MAP1A: variants seen among roughly 807,000 people sequenced by gnomAD.
The protein encoded by MAP1A is microtubule-associated protein 1A.
Under a neutral mutation model 185.9 loss-of-function variants are expected in MAP1A, and 42 were observed. That is an observed-to-expected ratio of 0.23 (90% CI 0.18 to 0.29). MAP1A has a LOEUF of 0.29. MAP1A is among the 10% of genes least tolerant of loss of function. The pLI is 1.00. For synonymous variants in MAP1A, 1,229 were observed against 1,335.9 expected, an observed-to-expected ratio of 0.92 and a Z score of 1.74; for missense variants, 2,995 against 3,450.4, an observed-to-expected ratio of 0.87 and a Z score of 3.31.
chr15:43,512,410 G>C, intron 2 of MAP1A: 1 of 685,580 alleles, frequency 1.5e-6, no homozygotes, highest in Non-Finnish European at 2.6e-6. Context: ...GAACTTTATA[G>C]AGGAGGAAAA....
In MAP1A at chr15:43,521,220, G is replaced by A; in HGVS notation, c.-150-104G>A. 6.8e-7 allele frequency: 1 copy of A among 1,475,816 alleles called. No individual in the cohort carries two copies. The highest frequency in any genetic ancestry group is 1.4e-5 in the African/African-American group (1 of 70,902). 91.4% of individuals were successfully genotyped at this position (1,475,816 alleles called of 1,614,324 possible). ...GACCATGGGGGGCCCTGGCAGAAAG[G>A]TAAGAGTCCACCTTGGAAAGAGGTG... On this transcript the variant is annotated intron_variant, in intron 3 of 5. Transcript: ENST00000300231. The surrounding 1 kb of genome is among the most constrained non-coding windows in gnomAD (Gnocchi z 4.6).
chr15:43,517,126 C>G (rs150149143), upstream of MAP1A, among the ~76,000 whole-genome samples: 1,584 of 152,296 alleles, frequency 0.01, 13 homozygotes, highest in Non-Finnish European at 0.018. Flanking sequence ...GGCAGCACAT[C>G]TCTGCATCCC....
At position 43,528,028 on chromosome 15, in the gene MAP1A, A is replaced by G. The variant is rs762218281; in HGVS notation, c.6555A>G (p.Glu2185=). Residue 2185 remains glutamate, a synonymous_variant, in exon 4 of 6, where the codon GAA becomes GAG. Transcript: ENST00000300231. ...PAPPQLPSPA[E]PRSAPCGSLA... is the part of the protein sequence containing the mutation. ...CCCCACAGCTGCCCTCTCCAGCTGAACCCCGCTCGGCACCCTGTGGCTCCC... is the reference window on the plus strand; with the variant it reads ...CCCCACAGCTGCCCTCTCCAGCTGAGCCCCGCTCGGCACCCTGTGGCTCCC... 3.1e-6 allele frequency: 5 copies of G among 1,613,828 alleles called. No individual in the cohort carries two copies. The South Asian group carries it at 4.4e-5, about 14-fold the overall frequency.
At position 43,517,635 on chromosome 15, in the gene MAP1A, TC is replaced by T. The variant is rs959755727; in HGVS notation, c.-437del. 57 of 946,018 alleles carry T rather than the reference TC, an allele frequency of 6.0e-5. No homozygotes were observed. Among genetic ancestry groups the T allele is most frequent in the Non-Finnish European group, 6.8e-5 (55 of 804,730 alleles). 58.6% of individuals were successfully genotyped at this position (946,018 alleles called of 1,614,324 possible). A position where few individuals can be genotyped will look rare whatever the true frequency, so the allele number is the denominator to read the frequency against. ...TCCCACCCTAAGTGCTGCAGACTCT[TC>T]CCTGAAGCTGCCGGCTGAGGCCGGA... On this transcript the variant is annotated 5_prime_UTR_variant, in exon 1 of 6. Coordinates refer to ENST00000300231, the MANE Select transcript of MAP1A (RefSeq NM_002373.6).
Position 43,525,355 on chromosome 15 carries a change from T to C in MAP1A, c.3882T>C (p.Ser1294=). 5.0e-6 allele frequency: 8 copies of C among 1,613,980 alleles called. No homozygotes were observed. Among genetic ancestry groups the C allele is most frequent in the African/African-American group, 1.3e-5 (1 of 74,980 alleles). ...GGAAGTCACCTGCCAGCTCATTCTCTCACTCTACACCTTCAGGAAATGGGA... is the reference window on the plus strand; with the variant it reads ...GGAAGTCACCTGCCAGCTCATTCTCCCACTCTACACCTTCAGGAAATGGGA... ...LDRKSPASSF[S]HSTPSGNGKY... Residue 1294 remains serine (S), a synonymous_variant, in exon 4 of 6, where the codon TCT becomes TCC. Transcript: ENST00000300231.
Position 43,526,417 on chromosome 15 carries a change from G to C in MAP1A, c.4944G>C (p.Gln1648His). The C allele has an allele frequency of 6.2e-7, 1 of 1,614,202 alleles. No homozygotes were observed. The highest frequency in any genetic ancestry group is 1.1e-5 in the South Asian group (1 of 91,078). ...ACTGGAGGGGGCAGGATGTGGTCCAGGAGTGGCAAGAAACATCTCCTACCA... is the reference window on the plus strand; with the variant it reads ...ACTGGAGGGGGCAGGATGTGGTCCACGAGTGGCAAGAAACATCTCCTACCA... The part of the protein sequence containing the change: ...EKYWRGQDVV[Q>H]EWQETSPTRE... The change falls in exon 4 of 6, where the codon CAG becomes CAC. Residue 1648 changes from glutamine to histidine, a missense_variant. Physicochemically the swap from Gln to His is conservative, Grantham distance 24 (BLOSUM62 0). Coordinates refer to ENST00000300231, the MANE Select transcript of MAP1A (RefSeq NM_002373.6). This position sits in a 1 kb window ranked among gnomAD's most constrained non-coding sequence, Gnocchi z 4.7.
Position 43,527,076 on chromosome 15 carries a change from C to T in MAP1A, c.5603C>T (p.Pro1868Leu), listed in dbSNP as rs372371137. Residue 1868 changes from proline (P) to leucine (L), a missense_variant, in exon 4 of 6, where the codon CCG becomes CTG. Pro to Leu is a moderately conservative substitution (Grantham distance 98). Around this residue, in one of 3 missense-constraint regions of MAP1A, gnomAD observed 2,728 missense variants for 2,986.0 expected, o/e 0.91. Transcript: ENST00000300231. ...SPAPGPPTPA[P>L]ESHTPAPFSW... ...GCTCCTGGTCCCCCCACACCTGCCC[C>T]GGAATCCCATACTCCTGCACCCTTC... is the stretch of plus-strand genomic sequence containing the variant. 46 of 1,582,944 alleles carry T rather than the reference C, an allele frequency of 2.9e-5. 1 individual carries two copies. The highest frequency in any genetic ancestry group is 1.6e-4 in the South Asian group (14 of 85,442).
In MAP1A at chr15:43,527,174, C is replaced by G; in HGVS notation, c.5701C>G (p.Pro1901Ala). 1 of 1,613,748 alleles carries G rather than the reference C, an allele frequency of 6.2e-7. No individual in the cohort carries two copies. Among genetic ancestry groups the G allele is most frequent in the Non-Finnish European group, 8.5e-7 (1 of 1,179,872 alleles). Residue 1901 changes from proline (P) to alanine (A), a missense_variant, in exon 4 of 6, where the codon CCA (proline) becomes GCA (alanine). By Grantham distance (27) the Pro-to-Ala change is conservative. Transcript: ENST00000300231. The stretch of plus-strand genomic sequence containing the variant: ...GGGGGCAGCTGAGTTGGAAGGTGGG[C>G]CATACTCCCCCCTGGGGAAGGACTA... ...QEGAAELEGG[P>A]YSPLGKDYRK...
In MAP1A at chr15:43,522,324, G is replaced by C; in HGVS notation, c.851G>C (p.Arg284Pro). The change falls in exon 4 of 6, where the codon CGG becomes CCG. Residue 284 changes from arginine to proline, a missense_variant. Transcript: ENST00000300231. The surrounding 1 kb of genome is among the most constrained non-coding windows in gnomAD (Gnocchi z 5.9). Reference sequence around the variant, plus strand: ...ATCTTGGAGGGCCTAGAAAAGCTTCGGCATCTGGACTTCCTGCGTTACCCT... The same window carrying C: ...ATCTTGGAGGGCCTAGAAAAGCTTCCGCATCTGGACTTCCTGCGTTACCCT... Reference protein sequence around the residue: ...NKILEGLEKLRHLDFLRYPVA... With the variant: ...NKILEGLEKLPHLDFLRYPVA... The C allele has an allele frequency of 6.2e-7, 1 of 1,614,116 alleles. No individual in the cohort carries two copies. Among genetic ancestry groups the C allele is most frequent in the Non-Finnish European group, 8.5e-7 (1 of 1,180,024 alleles).
chr15:43,526,121 G>A lies in MAP1A; in HGVS notation c.4648G>A (p.Ala1550Thr), dbSNP rs190602542. ...TAAAGTCTCAGAAAAGAAGGATCAGGCCTTAGAACAAAAATACTGGGCTTT... is the reference window on the plus strand; with the variant it reads ...TAAAGTCTCAGAAAAGAAGGATCAGACCTTAGAACAAAAATACTGGGCTTT... The part of the protein sequence containing the change: ...KDKVSEKKDQ[A>T]LEQKYWALGQ... The change falls in exon 4 of 6, where the codon GCC becomes ACC. Residue 1550 changes from alanine (A) to threonine (T), a missense_variant. Ala to Thr is a moderately conservative substitution (Grantham distance 58). This residue lies in a region of MAP1A where 2,728 missense variants were observed against 2,986.0 expected (regional missense o/e 0.91). Coordinates refer to ENST00000300231, the MANE Select transcript of MAP1A (RefSeq NM_002373.6). This position sits in a 1 kb window ranked among gnomAD's most constrained non-coding sequence, Gnocchi z 4.7. 5.3e-4 allele frequency: 854 copies of A among 1,614,016 alleles called. 6 individuals are homozygous for A. In the African/African-American group the frequency reaches 0.011, roughly 20 times the overall value.
Position 43,528,217 on chromosome 15 carries a change from A to G in MAP1A, c.6744A>G (p.Pro2248=). Residue 2248 remains proline (P), a synonymous_variant, in exon 4 of 6, where the codon CCA becomes CCG. Transcript: ENST00000300231. The part of the protein sequence containing the change: ...SPGAPLLSNL[P]RPASPALSEG... ...GGGCCCCTCTCCTCTCCAATCTGCC[A>G]CGACCTGCCTCACCAGCCCTGTCTG... 1 of 1,613,998 alleles carries G rather than the reference A, an allele frequency of 6.2e-7. No individual in the cohort carries two copies. The highest frequency in any genetic ancestry group is 8.5e-7 in the Non-Finnish European group (1 of 1,180,014).
Position 43,521,545 on chromosome 15 carries a change from A to G in MAP1A, c.72A>G (p.Leu24=). 1 of 1,614,084 alleles carries G rather than the reference A, an allele frequency of 6.2e-7. No individual in the cohort carries two copies. The highest frequency in any genetic ancestry group is 8.5e-7 in the Non-Finnish European group (1 of 1,180,000). The change falls in exon 4 of 6, where the codon CTA becomes CTG. Residue 24 remains leucine (L), a synonymous_variant. Coordinates refer to ENST00000300231, the MANE Select transcript of MAP1A (RefSeq NM_002373.6). This position sits in a 1 kb window ranked among gnomAD's most constrained non-coding sequence, Gnocchi z 4.6. ...ACGTGCCATCCCCATTTGACCTACTAGAGCCCCCCACCTCAGGGGGCTTCC... is the reference window on the plus strand; with the variant it reads ...ACGTGCCATCCCCATTTGACCTACTGGAGCCCCCCACCTCAGGGGGCTTCC... ...TVDVPSPFDL[L]EPPTSGGFLK...
Position 43,523,256 on chromosome 15 carries a change from C to T in MAP1A, c.1783C>T (p.Leu595Phe). Reference protein sequence around the residue: ...QEEHVMKEKELVPEVPEEQGS... With the variant: ...QEEHVMKEKEFVPEVPEEQGS... The stretch of plus-strand genomic sequence containing the variant: ...AGAACATGTGATGAAGGAGAAAGAG[C>T]TTGTCCCAGAGGTCCCTGAGGAACA... The change falls in exon 4 of 6, where the codon CTT becomes TTT. Residue 595 changes from leucine (L) to phenylalanine (F), a missense_variant. Physicochemically the swap from Leu to Phe is conservative, Grantham distance 22. Around this residue, in one of 3 missense-constraint regions of MAP1A, gnomAD observed 2,728 missense variants for 2,986.0 expected, o/e 0.91. Transcript: ENST00000300231. 6.2e-7 allele frequency: 1 copy of T among 1,613,938 alleles called. No homozygotes were observed. The highest frequency in any genetic ancestry group is 8.5e-7 in the Non-Finnish European group (1 of 1,179,910).
Position 43,530,400 on chromosome 15 carries a change from C to T in MAP1A, c.*176C>T. On this transcript the variant is annotated 3_prime_UTR_variant, in exon 6 of 6. Coordinates refer to ENST00000300231, the MANE Select transcript of MAP1A (RefSeq NM_002373.6). The stretch of plus-strand genomic sequence containing the variant: ...GGGTTGTCCCTCCCCATCATCCATT[C>T]CTGTGAGGTGTCTCAAACCAAAGTT... 1.4e-6 allele frequency: 1 copy of T among 736,034 alleles called. No homozygotes were observed. Among genetic ancestry groups the T allele is most frequent in the South Asian group, 1.9e-5 (1 of 53,244 alleles). 45.6% of individuals were successfully genotyped at this position (736,034 alleles called of 1,614,324 possible).
upstream of MAP1A, among the ~76,000 whole-genome samples, chr15:43,515,725 G>A (rs1349624635): frequency 6.6e-6 from 1 of 152,222 alleles, no homozygotes; most frequent in East Asian, 1.9e-4. Context: ...GAGAGGTTAA[G>A]TCTCTTGTTT....
In MAP1A at chr15:43,525,737, C is replaced by A. The variant is rs1016497174; in HGVS notation, c.4264C>A (p.Leu1422Ile). 25 of 1,614,116 alleles carry A rather than the reference C, an allele frequency of 1.5e-5. No individual in the cohort carries two copies. The highest frequency in any genetic ancestry group is 2.0e-5 in the Non-Finnish European group (24 of 1,180,032). ...AGACTTAGAGCAAAAAGACACAGCC[C>A]TAGAACAGAAGGACAAGGCCCTGGA... Reference protein sequence around the residue: ...GRDLEQKDTALEQKDKALEPK... With the variant: ...GRDLEQKDTAIEQKDKALEPK... Residue 1422 changes from leucine (L) to isoleucine (I), a missense_variant, in exon 4 of 6, where the codon CTA becomes ATA. Physicochemically the swap from Leu to Ile is conservative, Grantham distance 5 (BLOSUM62 2). Around this residue, in one of 3 missense-constraint regions of MAP1A, gnomAD observed 2,728 missense variants for 2,986.0 expected, o/e 0.91. Coordinates refer to ENST00000300231, the MANE Select transcript of MAP1A (RefSeq NM_002373.6).
intron 1 of MAP1A, chr15:43,511,293 C>A: frequency 8.1e-7 from 1 of 1,241,520 alleles, no homozygotes; most frequent in Non-Finnish European, 1.1e-6. Context: ...CTGCATTCAA[C>A]TACCAATGCA....
chr15:43,526,747 C>G lies in MAP1A; in HGVS notation c.5274C>G (p.Phe1758Leu). ...RSPWASDFKD[F>L]QESSPQKGLE... is the part of the protein sequence containing the mutation. ...CCTGGGCCTCAGACTTCAAGGATTT[C>G]CAGGAATCCTCACCACAGAAGGGGC... Residue 1758 changes from phenylalanine to leucine, a missense_variant, in exon 4 of 6, where the codon TTC (phenylalanine) becomes TTG (leucine). Coordinates refer to ENST00000300231, the MANE Select transcript of MAP1A (RefSeq NM_002373.6). The surrounding 1 kb of genome is among the most constrained non-coding windows in gnomAD (Gnocchi z 4.7). The G allele has an allele frequency of 1.9e-6, 3 of 1,614,126 alleles. No individual in the cohort carries two copies. Among genetic ancestry groups the G allele is most frequent in the Non-Finnish European group, 2.5e-6 (3 of 1,180,012 alleles).
Position 43,522,696 on chromosome 15 carries a change from A to G in MAP1A, c.1223A>G (p.Lys408Arg). 6.2e-7 allele frequency: 1 copy of G among 1,607,428 alleles called. No homozygotes were observed. Among genetic ancestry groups the G allele is most frequent in the South Asian group, 1.1e-5 (1 of 90,150 alleles). The stretch of plus-strand genomic sequence containing the variant: ...GTAGGGAAAAAGCACCTTAAAGAAA[A>G]GATATCAAAGCTGGAAGAAAAAAAA... ...DKVGKKHLKE[K>R]ISKLEEKKDK... is the part of the protein sequence containing the mutation. Residue 408 changes from lysine to arginine, a missense_variant, in exon 4 of 6, where the codon AAG becomes AGG. Lys to Arg is a conservative substitution (Grantham distance 26). This residue lies in a region of MAP1A where 2,728 missense variants were observed against 2,986.0 expected (regional missense o/e 0.91). Coordinates refer to ENST00000300231, the MANE Select transcript of MAP1A (RefSeq NM_002373.6). The surrounding 1 kb of genome is among the most constrained non-coding windows in gnomAD (Gnocchi z 5.9).
Sources: gnomAD v4.1 joint callset for allele counts (sites outside exome capture counted in the v4.1 genomes callset) on GRCh38, gnomAD v4.1.1 for gene constraint, gnomAD v4.1.1 regional missense constraint, Gnocchi (gnomAD v3.1) non-coding constraint, MANE v1.5 for transcripts, NCBI Gene and HGNC (gene_info 2026-07-23, HGNC 2026-07-21) for gene names.